NLRC5: variants seen among roughly 807,000 people sequenced by gnomAD.
The protein encoded by NLRC5 is NLR family CARD domain containing 5, also known as protein NLRC5.
A neutral mutation model predicts 206.9 loss-of-function variants in NLRC5; 114 were observed. The observed-to-expected ratio is 0.55, with a 90% CI of 0.47 to 0.64. NLRC5 has a LOEUF of 0.64. Among genes scored for constraint, NLRC5 ranks in the 30% least tolerant of loss-of-function variants. The pLI, the probability that NLRC5 is intolerant of heterozygous loss-of-function variation, is 0.00. For synonymous variants in NLRC5, 952 were observed against 962.8 expected (o/e 0.99, Z 0.21); for missense variants, 2,008 against 2,305.5 (o/e 0.87, Z 2.64).
chr16:57,051,998 C>A (rs1458024494), intron 24 of NLRC5, among the ~76,000 whole-genome samples: 1 of 152,172 alleles, frequency 6.6e-6, no homozygotes, highest in Non-Finnish European at 1.5e-5. Flanking sequence ...AGCTGTCCAA[C>A]TTCTCCCCAC....
intron 40 of NLRC5, 59 bp downstream of exon 40, chr16:57,076,961 G>T: frequency 6.9e-7 from 1 of 1,447,804 alleles, no homozygotes; most frequent in South Asian, 1.1e-5. Context: ...AGATGACAAG[G>T]GCAAGGGGCT....
At chr16:56,992,483 T>A (rs1387527918) in intron 1 of NLRC5, 2 of 151,484 alleles carry the variant, frequency 1.3e-5, no homozygotes, top group Non-Finnish European at 2.9e-5. Flanking sequence ...TATTTTATTT[T>A]TTTTTTTTAG....
At chr16:56,992,182 A>T (rs1451117769) in intron 1 of NLRC5, 1 of 152,174 alleles carries the variant, frequency 6.6e-6, no homozygotes, top group African/African-American at 2.4e-5. Flanking sequence ...CCCGGCCCTG[A>T]CCACACCTCG....
intron 1 of NLRC5, among the ~76,000 whole-genome samples, chr16:57,006,073 C>T (rs2058866366): frequency 6.6e-6 from 1 of 151,834 alleles, no homozygotes; most frequent in South Asian, 2.1e-4. Context: ...TCTTGGCTCA[C>T]TGCAGCCTGG....
At chr16:57,053,329 T>A (rs9944300) in intron 24 of NLRC5, among the ~76,000 whole-genome samples, 4,351 of 152,128 alleles carry the variant, frequency 0.029, 213 homozygotes, top group African/African-American at 0.1. Context: ...TGTGAGGCCC[T>A]GAGGCATGAT....
chr16:57,034,136 C>T (rs4784753), intron 12 of NLRC5, 32 bp from the exon 13 acceptor site: 372,421 of 1,594,960 alleles, frequency 0.23, 45,152 homozygotes, highest in Admixed American at 0.3. Context: ...GCTGTTTGCC[C>T]TGAGCCCTTC....
chr16:57,028,183 G>A, intron 7 of NLRC5, 28 bp downstream of exon 7: 1 of 1,591,740 alleles, frequency 6.3e-7, no homozygotes, highest in Non-Finnish European at 8.6e-7. Flanking sequence ...GCTGAGAAGG[G>A]TCTTCAGCTG....
In NLRC5 at chr16:57,055,069, G is replaced by A. The variant is rs367666146; in HGVS notation, c.3634G>A (p.Glu1212Lys). The A allele has an allele frequency of 1.6e-5, 26 of 1,614,096 alleles. No homozygotes were observed. In the East Asian group the frequency reaches 2.5e-4, roughly 15 times the overall value. ...TGCAACTTTGCACTTCAGATCCAAC[G>A]AGGAGGAGGAAGGCGTGTGCTGTGG... ...HHATLHFRSNEEEEGVCCGRF... is the reference protein window; with the variant it reads ...HHATLHFRSNKEEEGVCCGRF... Residue 1212 changes from glutamate (E) to lysine (K), a missense_variant, in exon 26 of 49, where the codon GAG becomes AAG. Physicochemically the swap from Glu to Lys is moderately conservative, Grantham distance 56. Coordinates refer to ENST00000688547, the MANE Select transcript of NLRC5 (RefSeq NM_001384950.1).
chr16:57,049,605 G>T (rs2064556575), intron 23 of NLRC5, among the ~76,000 whole-genome samples: 1 of 152,022 alleles, frequency 6.6e-6, no homozygotes, highest in African/African-American at 2.4e-5. Flanking sequence ...GCATGGTGGT[G>T]CACCCCTGTA....
intron 10 of NLRC5, among the ~76,000 whole-genome samples, chr16:57,031,150 A>G (rs914391376): frequency 1.3e-5 from 2 of 152,074 alleles, no homozygotes; most frequent in Non-Finnish European, 2.9e-5. Context: ...CTTAATTTTT[A>G]TTATATTTCT....
At chr16:57,063,216 G>A (rs1011482940) in intron 32 of NLRC5, among the ~76,000 whole-genome samples, 1 of 148,004 alleles carries the variant, frequency 6.8e-6, no homozygotes, top group Non-Finnish European at 1.5e-5. Flanking sequence ...GGGTTCAAGC[G>A]ATTCTCCTGC....
At chr16:57,039,612 G>A (rs2063029892) in intron 15 of NLRC5, among the ~76,000 whole-genome samples, 169 bp from the exon 16 acceptor site, 1 of 152,106 alleles carries the variant, frequency 6.6e-6, no homozygotes, top group African/African-American at 2.4e-5. Flanking sequence ...AGCTACTCAG[G>A]AGGCTGAAGT....
intron 1 of NLRC5, among the ~76,000 whole-genome samples, chr16:56,996,744 G>A (rs181152915): frequency 5.6e-4 from 85 of 152,252 alleles, no homozygotes; most frequent in African/African-American, 1.9e-3. Flanking sequence ...GGTTATGTTC[G>A]TAAACAGGAA....
rs1782156367 is a variant in NLRC5, at chr16:57,067,266, G to A, written c.4323-121G>A. The A allele has an allele frequency of 8.7e-6, 7 of 807,974 alleles. No individual in the cohort carries two copies. In the South Asian group the frequency reaches 1.1e-4, roughly 12 times the overall value. 50.1% of individuals were successfully genotyped at this position (807,974 alleles called of 1,614,324 possible). On this transcript the variant is annotated intron_variant, in intron 34 of 48. Coordinates refer to ENST00000688547, the MANE Select transcript of NLRC5 (RefSeq NM_001384950.1). ...ACTTCTCATAAGTGAATAGCAAACT[G>A]TAGGACTTCATTTGATCAGCATTTA...
chr16:57,021,878 G>A (rs373426711), intron 3 of NLRC5, among the ~76,000 whole-genome samples: 56 of 152,286 alleles, frequency 3.7e-4, no homozygotes, highest in African/African-American at 1.3e-3. Context: ...GGCAGAGTGT[G>A]GGAATTGCGG....
intron 1 of NLRC5, among the ~76,000 whole-genome samples, chr16:57,001,555 A>G (rs1344254013): frequency 3.3e-5 from 5 of 152,134 alleles, no homozygotes; most frequent in African/African-American, 1.2e-4. Context: ...AGCAACGACA[A>G]CCACACTAGT....
chr16:57,033,613 C>T lies in NLRC5; in HGVS notation c.2487C>T (p.Asp829=), dbSNP rs1258968476. Residue 829 remains aspartate (D), a synonymous_variant, in exon 12 of 49, where the codon GAC becomes GAT. Transcript: ENST00000688547. ...ETTAELQRAP[D]LQESDGQRKG... ...GATTTGTTCTTGCCAGAGCTCCAGA[C>T]CTGCAGGAAAGTGACGGCCAGAGGA... 1.2e-6 allele frequency: 2 copies of T among 1,614,004 alleles called. No individual in the cohort carries two copies. The highest frequency in any genetic ancestry group is 1.7e-6 in the Non-Finnish European group (2 of 1,180,000).
intron 23 of NLRC5, among the ~76,000 whole-genome samples, chr16:57,049,964 G>A (rs1287996656): frequency 6.6e-6 from 1 of 151,986 alleles, no homozygotes; most frequent in Non-Finnish European, 1.5e-5. Flanking sequence ...TGATTCCCCG[G>A]GGTTCCACCG....
intron 22 of NLRC5, among the ~76,000 whole-genome samples, 167 bp from the exon 23 acceptor site, chr16:57,047,378 G>A (rs575145686): frequency 6.6e-6 from 1 of 152,200 alleles, no homozygotes; most frequent in Admixed American, 6.5e-5. Flanking sequence ...CAGGAGGATT[G>A]GGGGCTGCAG....
Sources: gnomAD v4.1 joint callset for allele counts (sites outside exome capture counted in the v4.1 genomes callset) on GRCh38, gnomAD v4.1.1 for gene constraint, MANE v1.5 for transcripts, NCBI Gene and HGNC (gene_info 2026-07-23, HGNC 2026-07-21) for gene names.